The following DLG2 variants were observed in gnomAD, a reference collection of about 807,000 sequenced individuals.
The protein encoded by DLG2 is disks large homolog 2.
DLG2 carries 45 observed loss-of-function variants against 132.5 expected under a neutral mutation model. That is an observed-to-expected ratio of 0.34 (90% CI 0.27 to 0.44). DLG2 has a LOEUF of 0.44. Ranked by LOEUF, DLG2 falls within the 20% of genes least tolerant of loss-of-function variation. DLG2 has a pLI of 1.00. For missense variants in DLG2, 1,045 were observed against 1,196.9 expected (o/e 0.87, Z 1.87); for synonymous variants, 424 against 419.6 (o/e 1.01, Z -0.13).
intron 18 of DLG2, among the ~76,000 whole-genome samples, chr11:83,729,229 T>G (rs909208912): frequency 3.3e-5 from 5 of 152,224 alleles, no homozygotes; most frequent in African/African-American, 1.2e-4. Flanking sequence ...TAAGTTATTC[T>G]GCAAATGACT....
chr11:85,242,075 C>T (rs372314949), intron 4 of DLG2, among the ~76,000 whole-genome samples: 1 of 151,986 alleles, frequency 6.6e-6, no homozygotes, highest in Middle Eastern at 3.4e-3. Context: ...AACTAGGCCA[C>T]CTGCCTCTGT....
At chr11:83,623,094 C>T (rs1011614360) in intron 19 of DLG2, among the ~76,000 whole-genome samples, 1 of 152,032 alleles carries the variant, frequency 6.6e-6, no homozygotes, top group African/African-American at 2.4e-5. Flanking sequence ...TCCGGGTGCT[C>T]CAATGTTGGG....
intron 16 of DLG2, among the ~76,000 whole-genome samples, chr11:83,865,747 T>A (rs1319618947): frequency 6.6e-6 from 1 of 152,086 alleles, no homozygotes. Context: ...GAAAATCATG[T>A]CTATGTCAAG....
At chr11:85,037,140 T>C (rs1004140940) in intron 6 of DLG2, among the ~76,000 whole-genome samples, 21 of 152,298 alleles carry the variant, frequency 1.4e-4, no homozygotes, top group Middle Eastern at 3.4e-3. Context: ...ACCTGAGCAA[T>C]AGTTTTACTA....
chr11:85,084,919 G>A (rs1360647322), intron 6 of DLG2, among the ~76,000 whole-genome samples: 1 of 152,110 alleles, frequency 6.6e-6, no homozygotes, highest in Non-Finnish European at 1.5e-5. Context: ...GAATGTCGAA[G>A]ATAGCCTCTC....
intron 7 of DLG2, among the ~76,000 whole-genome samples, chr11:84,494,311 A>C (rs2099174235): frequency 6.6e-6 from 1 of 152,186 alleles, no homozygotes. Context: ...CTGGGGGAAG[A>C]GAAAGAAAGG....
intron 6 of DLG2, among the ~76,000 whole-genome samples, chr11:84,892,750 C>A (rs2089601636): frequency 6.6e-6 from 1 of 151,992 alleles, no homozygotes; most frequent in Non-Finnish European, 1.5e-5. Context: ...CGTTTTCTGG[C>A]TCTTCTCTTC....
chr11:85,511,129 A>G (rs1376181646), intron 3 of DLG2, among the ~76,000 whole-genome samples: 1 of 152,108 alleles, frequency 6.6e-6, no homozygotes, highest in Non-Finnish European at 1.5e-5. Context: ...AGGACAAAAA[A>G]CCGAACACCG....
At chr11:84,753,854 C>T (rs2066503372) in intron 6 of DLG2, among the ~76,000 whole-genome samples, 1 of 152,124 alleles carries the variant, frequency 6.6e-6, no homozygotes, top group Admixed American at 6.5e-5. Flanking sequence ...GGCACTAAAT[C>T]AGATTTCACT....
At chr11:84,625,648 T>C (rs1290177118) in intron 6 of DLG2, among the ~76,000 whole-genome samples, 1 of 152,208 alleles carries the variant, frequency 6.6e-6, no homozygotes, top group African/African-American at 2.4e-5. Flanking sequence ...AAAGTTGGCC[T>C]GCATTACCCT....
chr11:85,352,823 T>C (rs1224031954), intron 3 of DLG2, among the ~76,000 whole-genome samples: 1 of 152,200 alleles, frequency 6.6e-6, no homozygotes, highest in African/African-American at 2.4e-5. Context: ...TTACACCTTG[T>C]ACAAAAATTA....
chr11:85,451,633 C>T (rs1483752522), intron 3 of DLG2, among the ~76,000 whole-genome samples: 3 of 152,110 alleles, frequency 2.0e-5, no homozygotes, highest in African/African-American at 7.2e-5. Context: ...ATACCTAACT[C>T]AGAATTATTG....
At chr11:84,582,180 C>G (rs2099518127) in intron 6 of DLG2, among the ~76,000 whole-genome samples, 1 of 151,414 alleles carries the variant, frequency 6.6e-6, no homozygotes, top group Non-Finnish European at 1.5e-5. Flanking sequence ...TACTTGAAAA[C>G]CAGGATAAGT....
intron 6 of DLG2, among the ~76,000 whole-genome samples, chr11:84,721,557 A>AG (rs1280628595): frequency 1.3e-5 from 2 of 152,124 alleles, no homozygotes; most frequent in African/African-American, 4.8e-5. Context: ...AAAAAAAAAA[A>AG]AAAATCAGCA....
intron 5 of DLG2, among the ~76,000 whole-genome samples, chr11:85,144,238 A>G (rs2076687710): frequency 6.6e-6 from 1 of 151,666 alleles, no homozygotes; most frequent in Non-Finnish European, 1.5e-5. Flanking sequence ...TGATATAGGT[A>G]TAGCTAATTC....
chr11:84,083,991 C>T (rs1431063489), intron 10 of DLG2, among the ~76,000 whole-genome samples: 5 of 152,152 alleles, frequency 3.3e-5, no homozygotes, highest in African/African-American at 1.2e-4. Context: ...CCCCAACAGA[C>T]ATAATCAGGA....
chr11:83,632,208 C>G (rs1353902389), intron 19 of DLG2: 1 of 152,140 alleles, frequency 6.6e-6, no homozygotes, highest in African/African-American at 2.4e-5. Flanking sequence ...CAAATACATA[C>G]AAAACTTAAC....
At chr11:85,196,352 T>C (rs2081067818) in intron 4 of DLG2, among the ~76,000 whole-genome samples, 1 of 152,250 alleles carries the variant, frequency 6.6e-6, no homozygotes, top group African/African-American at 2.4e-5. Flanking sequence ...TTTATTTAAA[T>C]TCTCTATAGA....
chr11:85,289,388 T>C (rs1292028568), intron 3 of DLG2, among the ~76,000 whole-genome samples: 1 of 152,120 alleles, frequency 6.6e-6, no homozygotes, highest in African/African-American at 2.4e-5. Flanking sequence ...GAAATCCTCC[T>C]TCTCCTTCAA....
Sources: allele counts gnomAD v4.1 joint callset (sites outside exome capture counted in the v4.1 genomes callset), GRCh38; gene constraint gnomAD v4.1.1; transcripts MANE v1.5; gene names NCBI Gene and HGNC (gene_info 2026-07-23, HGNC 2026-07-21).